Variants in CDC14A observed in about 807,000 individuals in gnomAD.
CDC14A encodes dual specificity protein phosphatase CDC14A.
CDC14A carries 53 observed loss-of-function variants against 74.4 expected under a neutral mutation model. The ratio of observed to expected loss-of-function variants is 0.71; its 90% CI spans 0.57 to 0.89. The LOEUF (loss-of-function observed/expected upper bound fraction) is 0.89, where lower values mean the gene tolerates loss of function less well. Among genes scored for constraint, CDC14A ranks in the 40% least tolerant of loss-of-function variants. The probability of loss-of-function intolerance (pLI) is 0.00; values close to 1 mark genes in which losing one functional copy is unlikely to be tolerated. For missense variants in CDC14A, 646 were observed against 713.7 expected, an observed-to-expected ratio of 0.91 and a Z score of 1.08; for synonymous variants, 247 against 258.4, an observed-to-expected ratio of 0.96 and a Z score of 0.43.
At chr1:100,468,637 G>A (rs1009220014) in intron 10 of CDC14A, among the ~76,000 whole-genome samples, 25 of 152,136 alleles carry the variant, frequency 1.6e-4, no homozygotes, top group Non-Finnish European at 3.5e-4. Context: ...CCATTATTTA[G>A]AAGAATACTT....
chr1:100,385,861 C>A (rs999220156), intron 3 of CDC14A, among the ~76,000 whole-genome samples: 6 of 152,190 alleles, frequency 3.9e-5, no homozygotes, highest in African/African-American at 1.2e-4. Context: ...TTATAGAGGG[C>A]TGGCTATGTC....
In CDC14A at chr1:100,518,389, C is replaced by T; in HGVS notation, c.*109C>T. The T allele has an allele frequency of 1.2e-6, 1 of 863,436 alleles. No individual in the cohort carries two copies. The highest frequency in any genetic ancestry group is 1.9e-6 in the Non-Finnish European group (1 of 516,836). 53.5% of individuals were successfully genotyped at this position (863,436 alleles called of 1,614,324 possible). ...CTTGCTGGAAGAATATCTCTGCCTTCTTACCTTAAATTAAAAAGAGCACTA... is the reference window on the plus strand; with the variant it reads ...CTTGCTGGAAGAATATCTCTGCCTTTTTACCTTAAATTAAAAAGAGCACTA... On this transcript the variant is annotated 3_prime_UTR_variant, in exon 16 of 16. Transcript: ENST00000336454.
At chr1:100,505,780 T>C (rs968552191) in intron 15 of CDC14A, among the ~76,000 whole-genome samples, 3 of 152,204 alleles carry the variant, frequency 2.0e-5, no homozygotes, top group Non-Finnish European at 4.4e-5. Flanking sequence ...AAGAAATACC[T>C]GAGGCTGGGT....
chr1:100,441,483 G>T (rs767197659), intron 6 of CDC14A, among the ~76,000 whole-genome samples: 1 of 152,076 alleles, frequency 6.6e-6, no homozygotes, highest in Non-Finnish European at 1.5e-5. Context: ...TGATTTTAAT[G>T]TATTGGCATT....
At chr1:100,517,439 G>A (rs536454274) in intron 15 of CDC14A, among the ~76,000 whole-genome samples, 2 of 152,268 alleles carry the variant, frequency 1.3e-5, no homozygotes, top group East Asian at 3.9e-4. Context: ...ATTTGTTAAT[G>A]TTTAGATTGA....
At chr1:100,470,732 A>G (rs1484463631) in intron 10 of CDC14A, among the ~76,000 whole-genome samples, 1 of 152,172 alleles carries the variant, frequency 6.6e-6, no homozygotes, top group African/African-American at 2.4e-5. Context: ...GGAAATAGAA[A>G]TTGAAACCAC....
chr1:100,518,227 C>T, intron 15 of CDC14A, 24 bp from the exon 16 acceptor site: 1 of 1,595,158 alleles, frequency 6.3e-7, no homozygotes, highest in Non-Finnish European at 8.6e-7. Context: ...AATTTAACCT[C>T]AGTTTATGTC....
chr1:100,499,719 G>A lies in CDC14A; in HGVS notation c.1755+457G>A, dbSNP rs186069507. Among the ~76,000 whole-genome samples the A allele has an allele frequency of 7.9e-4, 121 of 152,266 alleles. 1 individual carries two copies. Among genetic ancestry groups the A allele is most frequent in the Admixed American group, 2.4e-3 (37 of 15,300 alleles). ...ATCATATATCAGTGAATTAATTTTG[G>A]AGTATTGAAACGTGGAAGGTGCTGA... On this transcript the variant is annotated intron_variant, in intron 15 of 15. Transcript: ENST00000336454.
rs544460203 is a variant in CDC14A at position 100,435,608 on chromosome 1, C to T, written c.390-4324C>T. 9.9e-5 allele frequency among the ~76,000 whole-genome samples: 15 copies of T among 152,064 alleles called. No individual in the cohort carries two copies. The East Asian group carries it at 1.7e-3, about 18-fold the overall frequency. ...CTTTGGGAGGCCGAGGTGGGCGGAT[C>T]GCCTGAGGTCAGGAGTTCGAGACCA... On this transcript the variant is annotated intron_variant, in intron 5 of 15. Transcript: ENST00000336454.
rs1571268890 is a variant in CDC14A at position 100,467,854 on chromosome 1, C to T, written c.839-102C>T. 23 of 1,121,178 alleles carry T rather than the reference C, an allele frequency of 2.1e-5. No individual in the cohort carries two copies. The East Asian group carries it at 6.1e-4, about 30-fold the overall frequency. 69.5% of individuals were successfully genotyped at this position (1,121,178 alleles called of 1,614,324 possible). A position where few individuals can be genotyped will look rare whatever the true frequency, so the allele number is the denominator to read the frequency against. On this transcript the variant is annotated intron_variant, in intron 9 of 15. Transcript: ENST00000336454. ...TTATTAGCTGTTGATAATATCATCA[C>T]ACTTGAATGCAGAGCAGTTTCTGGG...
intron 7 of CDC14A, among the ~76,000 whole-genome samples, chr1:100,454,113 TAAGTAATTA>T (rs1290629523): frequency 6.6e-6 from 1 of 152,236 alleles, no homozygotes; most frequent in East Asian, 1.9e-4. Flanking sequence ...ATGGGTAATA[TAAGTAATTA>T]AAGTAATGGC....
chr1:100,366,826 A>T (rs958989715), intron 2 of CDC14A, among the ~76,000 whole-genome samples: 2 of 152,242 alleles, frequency 1.3e-5, no homozygotes, highest in African/African-American at 4.8e-5. Context: ...TTAATAGTTC[A>T]TGAGTTTCAT....
intron 1 of CDC14A, 106 bp downstream of exon 1, chr1:100,353,109 C>T (rs915714114): frequency 3.2e-6 from 4 of 1,234,462 alleles, no homozygotes; most frequent in Non-Finnish European, 1.2e-6. Context: ...GTCCTGCAGC[C>T]GCTGCGCGCG....
chr1:100,420,120 GTTTTTT>G (rs61463263), intron 4 of CDC14A, among the ~76,000 whole-genome samples: 4 of 48,202 alleles, frequency 8.3e-5, no homozygotes, highest in East Asian at 5.6e-4. Flanking sequence ...TGCTGAAAAG[GTTTTTT>G]TTTTTTTTTT....
intron 15 of CDC14A, among the ~76,000 whole-genome samples, chr1:100,506,601 C>T (rs1329566026): frequency 6.6e-6 from 1 of 152,144 alleles, no homozygotes; most frequent in East Asian, 1.9e-4. Flanking sequence ...TGTTACTTTT[C>T]TGTATAAAAC....
intron 3 of CDC14A, among the ~76,000 whole-genome samples, chr1:100,389,571 A>G (rs1473485574): frequency 2.0e-5 from 3 of 152,070 alleles, no homozygotes; most frequent in Non-Finnish European, 4.4e-5. Context: ...CTGTGGTTAC[A>G]TGGTAAAGCC....
At chr1:100,471,578 C>G (rs1668400267) in intron 10 of CDC14A, among the ~76,000 whole-genome samples, 1 of 152,050 alleles carries the variant, frequency 6.6e-6, no homozygotes, top group South Asian at 2.1e-4. Flanking sequence ...AGGATTTACA[C>G]TCCCAGATAT....
chr1:100,374,758 C>A (rs1209079709), intron 2 of CDC14A, among the ~76,000 whole-genome samples: 1 of 151,880 alleles, frequency 6.6e-6, no homozygotes, highest in Non-Finnish European at 1.5e-5. Flanking sequence ...TGGGTGGCAG[C>A]AAAAAAATTA....
intron 2 of CDC14A, among the ~76,000 whole-genome samples, chr1:100,358,381 C>G (rs1241497410): frequency 1.3e-5 from 2 of 152,198 alleles, no homozygotes; most frequent in Admixed American, 1.3e-4. Context: ...CTGTGTGCCC[C>G]TCCTAGTGGT....
Sources: allele counts gnomAD v4.1 joint callset (sites outside exome capture counted in the v4.1 genomes callset), GRCh38; gene constraint gnomAD v4.1.1; transcripts MANE v1.5; gene names NCBI Gene and HGNC (gene_info 2026-07-23, HGNC 2026-07-21).